Variants in NRXN3 observed in about 807,000 individuals in gnomAD.
The protein encoded by NRXN3 is neurexin III.
In NRXN3, 32 loss-of-function variants were observed where a neutral mutation model predicts 137.6. The observed-to-expected ratio is 0.23, with a 90% confidence interval of 0.18 to 0.31. The LOEUF (loss-of-function observed/expected upper bound fraction) is 0.31. Among genes scored for constraint, NRXN3 ranks in the 10% least tolerant of loss-of-function variants. NRXN3 has a pLI of 1.00. For synonymous variants in NRXN3, 798 were observed against 784.5 expected (o/e 1.02, Z -0.29); for missense variants, 1,574 against 2,062.5 (o/e 0.76, Z 4.59).
At chr14:78,370,627 ATGG>A (rs770581103) in intron 4 of NRXN3, among the ~76,000 whole-genome samples, 53 of 152,210 alleles carry the variant, frequency 3.5e-4, no homozygotes, top group Non-Finnish European at 6.9e-4. Flanking sequence ...ATGTGAATGA[ATGG>A]TGAACAATGT....
intron 4 of NRXN3, among the ~76,000 whole-genome samples, chr14:78,351,173 T>C (rs1027461524): frequency 2.0e-4 from 30 of 152,186 alleles, no homozygotes; most frequent in Admixed American, 1.8e-3. Flanking sequence ...TTCTACATAG[T>C]GTTGATATGT....
intron 15 of NRXN3, among the ~76,000 whole-genome samples, chr14:79,305,192 T>G (rs2085841547): frequency 6.6e-6 from 1 of 152,122 alleles, no homozygotes; most frequent in Admixed American, 6.5e-5. Flanking sequence ...ATATGGTATG[T>G]GTAGTGGTTA....
chr14:79,624,791 G>GTT (rs56285610), intron 16 of NRXN3, among the ~76,000 whole-genome samples: 2,260 of 120,708 alleles, frequency 0.019, 203 homozygotes, highest in African/African-American at 0.088. Context: ...TTTCTTTCCC[G>GTT]TTTTTTTTTT....
intron 4 of NRXN3, among the ~76,000 whole-genome samples, chr14:78,347,331 G>A (rs547844699): frequency 3.3e-5 from 5 of 152,234 alleles, no homozygotes; most frequent in South Asian, 2.1e-4. Context: ...ATGATTTTTC[G>A]GTGTTATCTG....
intron 1 of NRXN3, among the ~76,000 whole-genome samples, chr14:78,172,189 T>G (rs944865870): frequency 2.6e-5 from 4 of 152,100 alleles, no homozygotes; most frequent in African/African-American, 4.8e-5. Context: ...GCCTTTGTGA[T>G]GAAGGTTCCA....
chr14:79,467,324 C>T lies in NRXN3; in HGVS notation c.3366C>T (p.Phe1122=). 1 of 1,613,814 alleles carries T rather than the reference C, an allele frequency of 6.2e-7. No individual in the cohort carries two copies. The highest frequency in any genetic ancestry group is 8.5e-7 in the Non-Finnish European group (1 of 1,179,674). ...GGTCTGACCGCCTTGCCGTGGGCTT[C>T]AGCACCACTGTGAAGGATGGCATCT... ...STRSDRLAVG[F]STTVKDGILV... Residue 1122 remains phenylalanine, a synonymous_variant, in exon 16 of 21, where the codon TTC becomes TTT. Transcript: ENST00000335750.
At chr14:79,029,839 T>C (rs2099604499) in intron 15 of NRXN3, among the ~76,000 whole-genome samples, 1 of 151,952 alleles carries the variant, frequency 6.6e-6, no homozygotes, top group South Asian at 2.1e-4. Context: ...GGTTTGTTTG[T>C]TTGTTTGTTT....
intron 15 of NRXN3, among the ~76,000 whole-genome samples, chr14:79,270,077 G>A (rs2079075623): frequency 6.6e-6 from 1 of 152,118 alleles, no homozygotes. Flanking sequence ...AAAAGCAAAT[G>A]GAAAACACTT....
intron 16 of NRXN3, among the ~76,000 whole-genome samples, chr14:79,624,919 T>A (rs1215790174): frequency 6.6e-6 from 1 of 151,444 alleles, no homozygotes; most frequent in Non-Finnish European, 1.5e-5. Flanking sequence ...TTCTGTCACA[T>A]CAGTGTCCTT....
chr14:78,711,586 A>G (rs1035872642), intron 7 of NRXN3, among the ~76,000 whole-genome samples: 1 of 151,518 alleles, frequency 6.6e-6, no homozygotes, highest in Non-Finnish European at 1.5e-5. Context: ...GATTACAGGC[A>G]CCCTCCACCA....
At chr14:78,269,289 T>C (rs762193500) in intron 2 of NRXN3, among the ~76,000 whole-genome samples, 2 of 152,182 alleles carry the variant, frequency 1.3e-5, no homozygotes, top group Non-Finnish European at 2.9e-5. Context: ...TGACACATGC[T>C]ACAACATGAA....
At chr14:78,831,155 C>T (rs964075997) in intron 10 of NRXN3, among the ~76,000 whole-genome samples, 6 of 152,132 alleles carry the variant, frequency 3.9e-5, no homozygotes, top group Non-Finnish European at 5.9e-5. Flanking sequence ...ACCAAGGTCA[C>T]GTAACTTACT....
chr14:79,394,051 G>T (rs1055816791), intron 15 of NRXN3, among the ~76,000 whole-genome samples: 3 of 152,080 alleles, frequency 2.0e-5, no homozygotes, highest in African/African-American at 7.2e-5. Flanking sequence ...GTTTGGATAA[G>T]AATATTTTAT....
intron 1 of NRXN3, among the ~76,000 whole-genome samples, chr14:78,171,197 CG>C (rs1566891370): frequency 6.9e-6 from 1 of 144,970 alleles, no homozygotes; most frequent in East Asian, 2.0e-4. Context: ...GAGGAATTGA[CG>C]TGTATGTGAG....
chr14:79,418,018 C>T (rs2095522222), intron 15 of NRXN3, among the ~76,000 whole-genome samples: 1 of 151,288 alleles, frequency 6.6e-6, no homozygotes, highest in South Asian at 2.1e-4. Flanking sequence ...AACAGGTTTA[C>T]AACTGTTTTA....
At chr14:79,803,981 G>GTATA (rs143348564) in intron 19 of NRXN3, among the ~76,000 whole-genome samples, 11 of 147,222 alleles carry the variant, frequency 7.5e-5, no homozygotes, top group East Asian at 3.9e-4. Context: ...GTATGTATGT[G>GTATA]TATATATATA....
At chr14:79,592,983 TC>T (rs2097821464) in intron 16 of NRXN3, among the ~76,000 whole-genome samples, 1 of 152,210 alleles carries the variant, frequency 6.6e-6, no homozygotes, top group Non-Finnish European at 1.5e-5. Context: ...ACTTTAACTT[TC>T]TGGTATTTCA....
At chr14:78,501,877 T>C (rs1468063859) in intron 4 of NRXN3, among the ~76,000 whole-genome samples, 2 of 152,130 alleles carry the variant, frequency 1.3e-5, no homozygotes, top group Admixed American at 1.3e-4. Context: ...ACATATTAAA[T>C]CTGGAAAGGA....
chr14:78,220,065 G>T (rs1472299971), intron 1 of NRXN3, among the ~76,000 whole-genome samples: 3 of 152,066 alleles, frequency 2.0e-5, no homozygotes, highest in Non-Finnish European at 4.4e-5. Flanking sequence ...GAAGAGCGTG[G>T]GATAATGCCC....
Sources: gnomAD v4.1 joint callset for allele counts (sites outside exome capture counted in the v4.1 genomes callset) on GRCh38, gnomAD v4.1.1 for gene constraint, MANE v1.5 for transcripts, NCBI Gene and HGNC (gene_info 2026-07-23, HGNC 2026-07-21) for gene names.